The following VSX1 variants were observed in gnomAD, a reference collection of about 807,000 sequenced individuals.
The protein encoded by VSX1 is homeodomain protein RINX.
A neutral mutation model predicts 23.6 loss-of-function variants in VSX1; 23 were observed. The observed-to-expected ratio is 0.97, with a 90% confidence interval of 0.70 to 1.38. VSX1 has a LOEUF of 1.38. VSX1 is among the 40% of genes most tolerant of loss of function. The pLI is 0.00. For synonymous variants in VSX1, 247 were observed against 215.1 expected (o/e 1.15, Z -1.30); for missense variants, 517 against 495.4 (o/e 1.04, Z -0.41).
intron 4 of VSX1, among the ~76,000 whole-genome samples, chr20:25,077,110 T>C (rs566536893): frequency 6.6e-6 from 1 of 152,352 alleles, no homozygotes; most frequent in East Asian, 1.9e-4. Context: ...CTGTGATCCC[T>C]GCCTGTTGGT....
At chr20:25,071,837 A>G (rs2089385355), downstream of VSX1, 2 of 714,068 alleles carry the variant, frequency 2.8e-6, no homozygotes, top group African/African-American at 1.7e-5. Flanking sequence ...AGGATGACAC[A>G]GGAAAATCGG....
In VSX1 at chr20:25,077,875, G is replaced by A. The variant is rs1472238725; in HGVS notation, c.628-10C>T. The A allele has an allele frequency of 6.4e-7, 1 of 1,551,292 alleles. No homozygotes were observed. The highest frequency in any genetic ancestry group is 2.4e-5 in the East Asian group (1 of 41,066). On this transcript the variant is annotated splice_polypyrimidine_tract_variant and intron_variant, in intron 3 of 4. Transcript: ENST00000376709. ...GGTTTTGAAACCAGACCTGGTTGGA[G>A]GCAGGAGAAGCAGAAGGCACACAGA...
At chr20:25,072,033 G>T (rs1297225554), downstream of VSX1, 1 of 619,792 alleles carries the variant, frequency 1.6e-6, no homozygotes, top group Non-Finnish European at 2.9e-6. Flanking sequence ...AAAACAGGGA[G>T]AGTATTTCAC....
rs2089485743 is a variant in VSX1, at chr20:25,076,168, T to G, written c.*93A>C. 1.3e-6 allele frequency: 2 copies of G among 1,555,844 alleles called. No individual in the cohort carries two copies. The highest frequency in any genetic ancestry group is 2.2e-5 in the East Asian group (1 of 44,538). The stretch of plus-strand genomic sequence containing the variant: ...TGACATTGTCAGAAGAAAATCAAAC[T>G]GAGAGTATATGTCTTGGACAATTTT... On this transcript the variant is annotated 3_prime_UTR_variant, in exon 5 of 5. Coordinates refer to ENST00000376709, the MANE Select transcript of VSX1 (RefSeq NM_014588.6).
intron 1 of VSX1, among the ~76,000 whole-genome samples, chr20:25,080,580 T>G (rs1482694024): frequency 6.6e-6 from 1 of 152,272 alleles, no homozygotes; most frequent in East Asian, 1.9e-4. Flanking sequence ...AATGTGACTG[T>G]GAGAAATTTC....
chr20:25,082,071 T>A lies in VSX1; in HGVS notation c.26A>T (p.Asp9Val), dbSNP rs2089664424. MTGRDSLS[D>V]GRTSSRALVP... ...CAGCGCCCTGCTGCTAGTGCGCCCGTCGGAAAGCGAGTCCCGGCCGGTCAT... is the reference window on the plus strand; with the variant it reads ...CAGCGCCCTGCTGCTAGTGCGCCCGACGGAAAGCGAGTCCCGGCCGGTCAT... The change falls in exon 1 of 5, where the codon GAC (aspartate) becomes GTC (valine). Residue 9 changes from aspartate to valine, a missense_variant. Physicochemically the swap from Asp to Val is radical, Grantham distance 152. Coordinates refer to ENST00000376709, the MANE Select transcript of VSX1 (RefSeq NM_014588.6). The A allele has an allele frequency of 6.5e-7, 1 of 1,538,598 alleles. No homozygotes were observed. The highest frequency in any genetic ancestry group is 8.7e-7 in the Non-Finnish European group (1 of 1,148,484).
Position 25,081,744 on chromosome 20 carries a change from G to T in VSX1, c.353C>A (p.Ala118Asp), listed in dbSNP as rs1033871402. The T allele has an allele frequency of 2.7e-6, 4 of 1,500,526 alleles. No homozygotes were observed. Among genetic ancestry groups the T allele is most frequent in the Non-Finnish European group, 3.5e-6 (4 of 1,132,856 alleles). 93.0% of individuals were successfully genotyped at this position (1,500,526 alleles called of 1,614,324 possible). ...FLPPRGPEPA[A>D]PLAPSRPPPA... ...CGGCGGACGGCTGGGAGCCAGCGGGGCAGCGGGCTCGGGGCCCCTGGGCGG... is the reference window on the plus strand; with the variant it reads ...CGGCGGACGGCTGGGAGCCAGCGGGTCAGCGGGCTCGGGGCCCCTGGGCGG... The change falls in exon 1 of 5, where the codon GCC (alanine) becomes GAC (aspartate). Residue 118 changes from alanine to aspartate, a missense_variant. Transcript: ENST00000376709.
rs6037016 is a variant in VSX1, at chr20:25,081,758, G to T, written c.339C>A (p.Gly113=). 18 of 1,499,434 alleles carry T rather than the reference G, an allele frequency of 1.2e-5. No homozygotes were observed. Among genetic ancestry groups the T allele is most frequent in the Non-Finnish European group, 1.5e-5 (17 of 1,132,670 alleles). 92.9% of individuals were successfully genotyped at this position (1,499,434 alleles called of 1,614,324 possible). The change falls in exon 1 of 5, where the codon GGC becomes GGA. Residue 113 remains glycine, a synonymous_variant. Coordinates refer to ENST00000376709, the MANE Select transcript of VSX1 (RefSeq NM_014588.6). ...LADVPFLPPR[G]PEPAAPLAPS... ...GAGCCAGCGGGGCAGCGGGCTCGGGGCCCCTGGGCGGCAGGAACGGCACGT... is the reference window on the plus strand; with the variant it reads ...GAGCCAGCGGGGCAGCGGGCTCGGGTCCCCTGGGCGGCAGGAACGGCACGT...
At position 25,075,748 on chromosome 20, in the gene VSX1, A is replaced by T. The variant is rs1347056490; in HGVS notation, c.*513T>A. 1 of 157,276 alleles carries T rather than the reference A, an allele frequency of 6.4e-6. No individual in the cohort carries two copies. The highest frequency in any genetic ancestry group is 1.4e-5 in the Non-Finnish European group (1 of 71,302). The allele number at this position is 157,276 out of a possible 1,614,324, so 9.7% of individuals were successfully genotyped here. A position where few individuals can be genotyped will look rare whatever the true frequency, so the allele number is the denominator to read the frequency against. On this transcript the variant is annotated 3_prime_UTR_variant, in exon 5 of 5. Coordinates refer to ENST00000376709, the MANE Select transcript of VSX1 (RefSeq NM_014588.6). ...GTGACACTCAAGAAAACACAAAATT[A>T]CTCCCTAACAAGAAAATTGAAATAT...
At chr20:25,072,014 T>C (rs1257654987), downstream of VSX1, 3 of 621,602 alleles carry the variant, frequency 4.8e-6, no homozygotes, top group African/African-American at 1.9e-5. Context: ...GAGCAGAAGT[T>C]TGCACTGGAA....
Position 25,082,016 on chromosome 20 carries a change from G to A in VSX1, c.81C>T (p.Arg27=), listed in dbSNP as rs566762847. ...GGTCCGTGATGGCGAAGCCCCGGGGGCGCGAGCCCCTAGGGGAACCGCCAG... is the reference window on the plus strand; with the variant it reads ...GGTCCGTGATGGCGAAGCCCCGGGGACGCGAGCCCCTAGGGGAACCGCCAG... The part of the protein sequence containing the change: ...LVPGGSPRGS[R]PRGFAITDLL... Residue 27 remains arginine, a synonymous_variant, in exon 1 of 5, where the codon CGC becomes CGT. Coordinates refer to ENST00000376709, the MANE Select transcript of VSX1 (RefSeq NM_014588.6). 2.9e-4 allele frequency: 438 copies of A among 1,535,332 alleles called. 4 individuals carry two copies. In the East Asian group the frequency reaches 9.5e-3, roughly 33 times the overall value.
chr20:25,076,393 T>A lies in VSX1; in HGVS notation c.966A>T (p.Glu322Asp). ...AGCTGGAGAGGTCAATAGCCACATC[T>A]TCCAAGCCATTCTCAGGGCTCACTT... is the stretch of plus-strand genomic sequence containing the variant. The part of the protein sequence containing the change: ...SDKVSPENGL[E>D]DVAIDLSSSA... The change falls in exon 5 of 5, where the codon GAA (glutamate) becomes GAT (aspartate). Residue 322 changes from glutamate to aspartate, a missense_variant. Glu to Asp is a conservative substitution (Grantham distance 45, BLOSUM62 2). Transcript: ENST00000376709. 1 of 1,614,110 alleles carries A rather than the reference T, an allele frequency of 6.2e-7. No individual in the cohort carries two copies. Among genetic ancestry groups the A allele is most frequent in the Non-Finnish European group, 8.5e-7 (1 of 1,180,022 alleles).
downstream of VSX1, among the ~76,000 whole-genome samples, chr20:25,073,603 C>T (rs1214159706): frequency 1.3e-5 from 2 of 152,198 alleles, no homozygotes; most frequent in South Asian, 2.1e-4. Flanking sequence ...ATTCTGCCCA[C>T]CTGGCTGGTG....
At chr20:25,072,112 G>A (rs2089391866), downstream of VSX1, 1 of 589,866 alleles carries the variant, frequency 1.7e-6, no homozygotes, top group Non-Finnish European at 3.1e-6. Flanking sequence ...GCGAGAGACT[G>A]TGGCTTAGTG....
Position 25,081,760 on chromosome 20 carries a change from C to A in VSX1, c.337G>T (p.Gly113Cys), listed in dbSNP as rs1182069176. 5.3e-6 allele frequency: 8 copies of A among 1,500,250 alleles called. No individual in the cohort carries two copies. The highest frequency in any genetic ancestry group is 7.1e-6 in the Non-Finnish European group (8 of 1,133,066). The allele number at this position is 1,500,250 out of a possible 1,614,324, so 92.9% of individuals were successfully genotyped here. Residue 113 changes from glycine (G) to cysteine (C), a missense_variant, in exon 1 of 5, where the codon GGC becomes TGC. Coordinates refer to ENST00000376709, the MANE Select transcript of VSX1 (RefSeq NM_014588.6). The part of the protein sequence containing the change: ...LADVPFLPPR[G>C]PEPAAPLAPS... ...GCCAGCGGGGCAGCGGGCTCGGGGCCCCTGGGCGGCAGGAACGGCACGTCC... is the reference window on the plus strand; with the variant it reads ...GCCAGCGGGGCAGCGGGCTCGGGGCACCTGGGCGGCAGGAACGGCACGTCC...
Position 25,076,045 on chromosome 20 carries a change from A to T in VSX1, c.*216T>A. 1.6e-6 allele frequency: 1 copy of T among 634,064 alleles called. No individual in the cohort carries two copies. Among genetic ancestry groups the T allele is most frequent in the Non-Finnish European group, 2.7e-6 (1 of 371,042 alleles). 39.3% of individuals were successfully genotyped at this position (634,064 alleles called of 1,614,324 possible). ...AGTTTTGCACCAAGTTAACTGGTTA[A>T]AGTGCCATTAAGGAACCGTTTCCAT... On this transcript the variant is annotated 3_prime_UTR_variant, in exon 5 of 5. Transcript: ENST00000376709.
At chr20:25,078,571 A>G in intron 3 of VSX1, 2 of 1,328,816 alleles carry the variant, frequency 1.5e-6, no homozygotes, top group Non-Finnish European at 1.9e-6. Context: ...TCATTGACAT[A>G]TCTTTATAGT....
downstream of VSX1, chr20:25,071,268 T>G: frequency 2.2e-6 from 1 of 453,916 alleles, no homozygotes; most frequent in South Asian, 1.6e-5. Flanking sequence ...CCATGTGTCA[T>G]TCATGATGGA....
downstream of VSX1, among the ~76,000 whole-genome samples, chr20:25,075,283 G>C (rs1308831279): frequency 6.6e-6 from 1 of 152,184 alleles, no homozygotes; most frequent in African/African-American, 2.4e-5. Flanking sequence ...ACTCCAAAGA[G>C]TGTATCAGAC....
Sources: allele counts gnomAD v4.1 joint callset (sites outside exome capture counted in the v4.1 genomes callset), GRCh38; gene constraint gnomAD v4.1.1; transcripts MANE v1.5; gene names NCBI Gene and HGNC (gene_info 2026-07-23, HGNC 2026-07-21).